Variants in SLC22A23 observed in about 807,000 individuals in gnomAD.
SLC22A23 encodes solute carrier family 22 member 23, also known as ion transporter protein.
Under a neutral mutation model 61.0 loss-of-function variants are expected in SLC22A23, and 26 were observed. That is an observed-to-expected ratio of 0.43 (90% CI 0.31 to 0.59). The LOEUF is 0.59. Ranked by LOEUF, SLC22A23 falls within the 20% of genes least tolerant of loss-of-function variation. The pLI, the probability that SLC22A23 is intolerant of heterozygous loss-of-function variation, is 0.11. For missense variants in SLC22A23, 796 were observed against 934.7 expected, an observed-to-expected ratio of 0.85 and a Z score of 1.94; for synonymous variants, 430 against 413.9, an observed-to-expected ratio of 1.04 and a Z score of -0.47.
intron 5 of SLC22A23, among the ~76,000 whole-genome samples, chr6:3,295,451 G>A (rs1322173678): frequency 1.3e-5 from 2 of 152,150 alleles, no homozygotes; most frequent in Admixed American, 6.5e-5. Flanking sequence ...GGAGGACCTG[G>A]GGTCTACCCG....
chr6:3,453,693 G>A (rs1435789675), intron 1 of SLC22A23, among the ~76,000 whole-genome samples: 1 of 152,234 alleles, frequency 6.6e-6, no homozygotes, highest in Non-Finnish European at 1.5e-5. Context: ...CAGGATACAT[G>A]CTGAAGACAG....
rs756493746 is a variant in SLC22A23 at position 3,273,406 on chromosome 6, G to A, written c.1710C>T (p.Gly570=). 1.4e-5 allele frequency: 22 copies of A among 1,612,410 alleles called. No individual in the cohort carries two copies. The highest frequency in any genetic ancestry group is 3.3e-4 in the Middle Eastern group (2 of 6,058). ...AEITPTVIRC[G]GLGLVLASAG... ...CGCTGGCCAGCACCAGCCCCAGCCC[G>A]CCACACCTGCAGGGGGAGGGAAGCA... The change falls in exon 10 of 10, where the codon GGC becomes GGT. Residue 570 remains glycine, a synonymous_variant. Transcript: ENST00000406686.
At chr6:3,362,443 T>A (rs1310822078) in intron 3 of SLC22A23, among the ~76,000 whole-genome samples, 29 of 110,688 alleles carry the variant, frequency 2.6e-4, no homozygotes, top group African/African-American at 4.5e-4. Flanking sequence ...AAATAAAAAT[T>A]AGCATGCATT....
intron 4 of SLC22A23, among the ~76,000 whole-genome samples, chr6:3,299,321 C>T (rs1761408433): frequency 6.6e-6 from 1 of 152,120 alleles, no homozygotes; most frequent in Admixed American, 6.6e-5. Context: ...AATGATTTTA[C>T]GTTTAAAAAA....
intron 1 of SLC22A23, among the ~76,000 whole-genome samples, chr6:3,451,652 A>G (rs1446729085): frequency 3.9e-5 from 6 of 152,200 alleles, no homozygotes; most frequent in African/African-American, 1.4e-4. Flanking sequence ...AAGCCAACTG[A>G]GCTGAGCTGC....
intron 1 of SLC22A23, among the ~76,000 whole-genome samples, chr6:3,433,728 C>G (rs369870407): frequency 2.5e-4 from 38 of 152,266 alleles, no homozygotes; most frequent in East Asian, 1.2e-3. Flanking sequence ...CAGCAACAAA[C>G]AGGAACAACT....
chr6:3,366,149 T>C (rs1158612054), intron 3 of SLC22A23, among the ~76,000 whole-genome samples: 1 of 151,494 alleles, frequency 6.6e-6, no homozygotes, highest in Non-Finnish European at 1.5e-5. Flanking sequence ...GCTAACATGG[T>C]GAAACCCTGT....
Position 3,323,988 on chromosome 6 carries a change from G to A in SLC22A23, c.928C>T (p.Pro310Ser), listed in dbSNP as rs757342253. The change falls in exon 4 of 10, where the codon CCC (proline) becomes TCC (serine). Residue 310 changes from proline to serine, a missense_variant. Physicochemically the swap from Pro to Ser is moderately conservative, Grantham distance 74 (BLOSUM62 -1). Transcript: ENST00000406686. Reference sequence around the variant, plus strand: ...GTAATCATGAACCGTTTTCCAGGGGGGCACAGCTCTATTCCTAGAACACAG... The same window carrying A: ...GTAATCATGAACCGTTTTCCAGGGGAGCACAGCTCTATTCCTAGAACACAG... ...TLYALRIELC[P>S]PGKRFMITMV... is the part of the protein sequence containing the mutation. 14 of 1,614,148 alleles carry A rather than the reference G, an allele frequency of 8.7e-6. No homozygotes were observed. The East Asian group carries it at 3.1e-4, about 36-fold the overall frequency.
At chr6:3,319,464 T>C (rs1762825520) in intron 4 of SLC22A23, among the ~76,000 whole-genome samples, 1 of 149,372 alleles carries the variant, frequency 6.7e-6, no homozygotes, top group African/African-American at 2.6e-5. Flanking sequence ...ATGTTCCTCA[T>C]GTGTGTGTGG....
intron 4 of SLC22A23, chr6:3,313,575 T>C (rs1250157646): frequency 6.6e-6 from 1 of 152,234 alleles, no homozygotes; most frequent in Non-Finnish European, 1.5e-5. Flanking sequence ...GCACTTATTT[T>C]ATCTGTAATA....
rs377382013 is a variant in SLC22A23 at position 3,298,080 on chromosome 6, G to A, written c.1210+11C>T. On this transcript the variant is annotated intron_variant, in intron 5 of 9. Transcript: ENST00000406686. ...GCCTCTCTGAGCCCTGCCAGCCCGC[G>A]GTGTGCTCACCTGGTATCACACCCT... The A allele has an allele frequency of 2.5e-4, 384 of 1,518,226 alleles. No homozygotes were observed. Among genetic ancestry groups the A allele is most frequent in the Non-Finnish European group, 2.7e-4 (312 of 1,136,948 alleles). The allele number at this position is 1,518,226 out of a possible 1,614,324, so 94.0% of individuals were successfully genotyped here.
chr6:3,305,430 G>A (rs928641307), intron 4 of SLC22A23, among the ~76,000 whole-genome samples: 13 of 152,236 alleles, frequency 8.5e-5, no homozygotes, highest in African/African-American at 3.1e-4. Context: ...CAAAGGGTAT[G>A]TGTAGGGAAT....
chr6:3,303,742 CA>C (rs1334559522), intron 4 of SLC22A23, among the ~76,000 whole-genome samples: 4 of 152,070 alleles, frequency 2.6e-5, no homozygotes, highest in African/African-American at 9.7e-5. Context: ...TTAAAGGATA[CA>C]AAATTACAAG....
intron 1 of SLC22A23, among the ~76,000 whole-genome samples, chr6:3,428,170 A>G (rs1266137845): frequency 6.6e-6 from 1 of 152,230 alleles, no homozygotes; most frequent in Non-Finnish European, 1.5e-5. Flanking sequence ...AAGTGGACAG[A>G]GAAAGGGAGC....
At position 3,271,010 on chromosome 6, in the gene SLC22A23, C is replaced by T. The variant is rs1411447776; in HGVS notation, c.*2045G>A. On this transcript the variant is annotated 3_prime_UTR_variant, in exon 10 of 10. Transcript: ENST00000406686. ...GCTCAGGGGCCTCGCTGGATCCTTC[C>T]CACCTTCCCCAACTGCCTACTGGCC... 6.6e-6 allele frequency: 1 copy of T among 152,424 alleles called. No individual in the cohort carries two copies. The highest frequency in any genetic ancestry group is 2.4e-5 in the African/African-American group (1 of 41,434). 9.4% of individuals were successfully genotyped at this position (152,424 alleles called of 1,614,324 possible).
chr6:3,294,245 G>A (rs1760876240), intron 5 of SLC22A23, among the ~76,000 whole-genome samples: 2 of 149,110 alleles, frequency 1.3e-5, no homozygotes, highest in African/African-American at 5.0e-5. Context: ...TCACTGTCCA[G>A]TGACTTTTTG....
At chr6:3,409,677 A>G (rs561366061) in intron 3 of SLC22A23, among the ~76,000 whole-genome samples, 2 of 152,344 alleles carry the variant, frequency 1.3e-5, no homozygotes, top group South Asian at 4.1e-4. Flanking sequence ...CAGACAAGAT[A>G]GATCAATGAA....
rs780738236 is a variant in SLC22A23, at chr6:3,273,062, G to A, written c.2054C>T (p.Ala685Val). ...PEGATANGMK[A>V]M The stretch of plus-strand genomic sequence containing the variant: ...CGGGTTCCGCAGGCCGGGCTACATG[G>A]CCTTCATGCCGTTGGCCGTGGCACC... The change falls in exon 10 of 10, where the codon GCC (alanine) becomes GTC (valine). Residue 685 changes from alanine to valine, a missense_variant. By Grantham distance (64) the Ala-to-Val change is moderately conservative (BLOSUM62 0). Transcript: ENST00000406686. 11 of 1,560,258 alleles carry A rather than the reference G, an allele frequency of 7.1e-6. No individual in the cohort carries two copies. The Admixed American group carries it at 1.6e-4, about 23-fold the overall frequency.
intron 5 of SLC22A23, among the ~76,000 whole-genome samples, chr6:3,294,574 C>G (rs1760906782): frequency 6.6e-6 from 1 of 152,182 alleles, no homozygotes; most frequent in African/African-American, 2.4e-5. Flanking sequence ...TGGCACTCAT[C>G]CCGGGTCTCG....
Sources: allele counts gnomAD v4.1 joint callset (sites outside exome capture counted in the v4.1 genomes callset), GRCh38; gene constraint gnomAD v4.1.1; transcripts MANE v1.5; gene names NCBI Gene and HGNC (gene_info 2026-07-23, HGNC 2026-07-21).